Variants in MTRES1 observed in about 807,000 individuals in gnomAD.
The protein encoded by MTRES1 is uncharacterized protein C6orf203.
In MTRES1, 11 loss-of-function variants were observed where a neutral mutation model predicts 17.4. That is an observed-to-expected ratio of 0.63 (90% confidence interval 0.40 to 1.05). The LOEUF (loss-of-function observed/expected upper bound fraction) is 1.05. Ranked by LOEUF, MTRES1 falls within the 50% of genes least tolerant of loss-of-function variation. The pLI is 0.00. For synonymous variants in MTRES1, 94 were observed against 99.6 expected, an observed-to-expected ratio of 0.94 and a Z score of 0.34; for missense variants, 268 against 276.2, an observed-to-expected ratio of 0.97 and a Z score of 0.21.
intron 1 of MTRES1, among the ~76,000 whole-genome samples, chr6:107,031,135 T>C (rs1163741734): frequency 6.6e-6 from 1 of 152,008 alleles, no homozygotes; most frequent in Non-Finnish European, 1.5e-5. Context: ...ATCCTAGCAC[T>C]TTGGGAGGCT....
In MTRES1 at chr6:107,040,139, A is replaced by G. The variant is rs139673951; in HGVS notation, c.379A>G (p.Thr127Ala). 8.7e-6 allele frequency: 14 copies of G among 1,613,646 alleles called. No individual in the cohort carries two copies. Among genetic ancestry groups the G allele is most frequent in the Non-Finnish European group, 1.2e-5 (14 of 1,179,962 alleles). ...GGAAGAGGAGCTTGAGGATGATCCTACTGTAGTCAAAAACTATAAAGACCT... is the reference window on the plus strand; with the variant it reads ...GGAAGAGGAGCTTGAGGATGATCCTGCTGTAGTCAAAAACTATAAAGACCT... The part of the protein sequence containing the change: ...EQEEELEDDP[T>A]VVKNYKDLEK... Residue 127 changes from threonine (T) to alanine (A), a missense_variant, in exon 2 of 4, where the codon ACT becomes GCT. Coordinates refer to ENST00000311381, the MANE Select transcript of MTRES1 (RefSeq NM_016487.5).
At chr6:107,047,024 G>A (rs1267092046) in intron 3 of MTRES1, among the ~76,000 whole-genome samples, 2 of 147,618 alleles carry the variant, frequency 1.4e-5, no homozygotes, top group African/African-American at 2.5e-5. Flanking sequence ...GGATGGTCTC[G>A]ATCTCCTGAC....
intron 1 of MTRES1, among the ~76,000 whole-genome samples, chr6:107,036,706 G>A (rs1224131448): frequency 3.3e-5 from 5 of 151,924 alleles, no homozygotes; most frequent in African/African-American, 1.2e-4. Flanking sequence ...AGTTGGGCGT[G>A]GTGGTGGGCA....
intron 3 of MTRES1, among the ~76,000 whole-genome samples, chr6:107,048,789 A>G (rs1212905892): frequency 2.6e-5 from 4 of 151,690 alleles, no homozygotes; most frequent in Middle Eastern, 3.4e-3. Context: ...AAAAAAAAAA[A>G]AAAAAGAAAA....
intron 1 of MTRES1, among the ~76,000 whole-genome samples, chr6:107,038,360 C>A (rs1774079350): frequency 6.6e-6 from 1 of 152,064 alleles, no homozygotes; most frequent in African/African-American, 2.4e-5. Flanking sequence ...TCTCTAAAAC[C>A]TTCTTGATAT....
In MTRES1 at chr6:107,051,547, C is replaced by G. The variant is rs1234919328; in HGVS notation, c.*311C>G. 6.6e-6 allele frequency among the ~76,000 whole-genome samples: 1 copy of G among 152,146 alleles called. No homozygotes were observed. Among genetic ancestry groups the G allele is most frequent in the African/African-American group, 2.4e-5 (1 of 41,412 alleles). On this transcript the variant is annotated 3_prime_UTR_variant, in exon 4 of 4. Transcript: ENST00000311381. ...GCCTGCTGTTTCCCACATAAACTAC[C>G]TCAGGAGTCACTGTAAAATAAACTG...
intron 1 of MTRES1, chr6:107,028,988 C>T (rs1554226027): frequency 2.1e-6 from 1 of 467,402 alleles, no homozygotes; most frequent in East Asian, 1.5e-4. Context: ...ACCCGTCCTC[C>T]TGATCAATTT....
chr6:107,035,678 C>T (rs561782653), intron 1 of MTRES1, among the ~76,000 whole-genome samples: 209 of 152,122 alleles, frequency 1.4e-3, no homozygotes, highest in African/African-American at 4.8e-3. Context: ...GATGGAGTTT[C>T]GCTCTTGTTG....
chr6:107,050,645 T>C (rs1240254969), intron 3 of MTRES1, among the ~76,000 whole-genome samples: 1 of 150,548 alleles, frequency 6.6e-6, no homozygotes, highest in Non-Finnish European at 1.5e-5. Context: ...GACATGATCT[T>C]GGCTCACTGC....
At chr6:107,046,581 T>C (rs1034828677) in intron 3 of MTRES1, among the ~76,000 whole-genome samples, 3 of 152,196 alleles carry the variant, frequency 2.0e-5, no homozygotes, top group Non-Finnish European at 4.4e-5. Context: ...TTTTGCTTTG[T>C]GTCTGCTGAG....
chr6:107,034,384 G>C (rs1208690582), intron 1 of MTRES1, among the ~76,000 whole-genome samples: 1 of 152,088 alleles, frequency 6.6e-6, no homozygotes, highest in Non-Finnish European at 1.5e-5. Flanking sequence ...TGGGGCAACA[G>C]TTCCTCCCAC....
chr6:107,048,003 C>T (rs1774448522), intron 3 of MTRES1, among the ~76,000 whole-genome samples: 1 of 152,188 alleles, frequency 6.6e-6, no homozygotes, highest in Admixed American at 6.6e-5. Flanking sequence ...TTTGAGGCTA[C>T]AGTACACTAT....
At chr6:107,030,007 A>C (rs762110541) in intron 1 of MTRES1, 14 of 669,782 alleles carry the variant, frequency 2.1e-5, no homozygotes, top group Non-Finnish European at 3.5e-5. Context: ...TTTTTTGTCT[A>C]CCTGTTTCCC....
intron 1 of MTRES1, among the ~76,000 whole-genome samples, chr6:107,038,055 G>A (rs1241328996): frequency 6.6e-6 from 1 of 151,662 alleles, no homozygotes; most frequent in Non-Finnish European, 1.5e-5. Context: ...TAGTTATGTT[G>A]AAACAGAGTC....
chr6:107,048,350 G>T (rs1297749801), intron 3 of MTRES1, among the ~76,000 whole-genome samples: 2 of 151,808 alleles, frequency 1.3e-5, no homozygotes, highest in African/African-American at 4.8e-5. Flanking sequence ...GGCCAGGCTG[G>T]TCTTGAACTC....
rs575203456 is a variant in MTRES1, at chr6:107,044,514, T to C, written c.543+182T>C. ...TTCAGACACACAGGCACTTTCACTTTTGCAGCCTTAATGATCTTCTGATGA... is the reference window on the plus strand; with the variant it reads ...TTCAGACACACAGGCACTTTCACTTCTGCAGCCTTAATGATCTTCTGATGA... On this transcript the variant is annotated intron_variant, in intron 3 of 3. Transcript: ENST00000311381. Among the ~76,000 whole-genome samples, 49 of 152,274 alleles carry C rather than the reference T, an allele frequency of 3.2e-4. 2 individuals are homozygous for C. In the South Asian group the frequency reaches 8.7e-3, roughly 27 times the overall value.
rs1562280151 is a variant in MTRES1 at position 107,039,906 on chromosome 6, A to T, written c.146A>T (p.Lys49Met). 1.9e-6 allele frequency: 3 copies of T among 1,614,094 alleles called. No individual in the cohort carries two copies. Among genetic ancestry groups the T allele is most frequent in the Non-Finnish European group, 2.5e-6 (3 of 1,179,976 alleles). The change falls in exon 2 of 4, where the codon AAG (lysine) becomes ATG (methionine). Residue 49 changes from lysine to methionine, a missense_variant. Coordinates refer to ENST00000311381, the MANE Select transcript of MTRES1 (RefSeq NM_016487.5). Reference sequence around the variant, plus strand: ...CGATACTTGTATTTTTCTAGTACCAAGTTACGTGCACCAAATTATAAAACA... The same window carrying T: ...CGATACTTGTATTTTTCTAGTACCATGTTACGTGCACCAAATTATAAAACA... Reference protein sequence around the residue: ...WNRYLYFSSTKLRAPNYKTLF... With the variant: ...WNRYLYFSSTMLRAPNYKTLF...
chr6:107,028,862 G>C, intron 1 of MTRES1: 2 of 984,898 alleles, frequency 2.0e-6, no homozygotes, highest in Non-Finnish European at 2.4e-6. Context: ...ATTCTGCCGT[G>C]ATCATCTCTC....
At chr6:107,042,295 G>A (rs987458620) in intron 2 of MTRES1, among the ~76,000 whole-genome samples, 8 of 128,454 alleles carry the variant, frequency 6.2e-5, no homozygotes, top group East Asian at 4.8e-4. Context: ...AGCTGAGATC[G>A]CACCACTGCA....
Sources: allele counts gnomAD v4.1 joint callset (sites outside exome capture counted in the v4.1 genomes callset), GRCh38; gene constraint gnomAD v4.1.1; transcripts MANE v1.5; gene names NCBI Gene and HGNC (gene_info 2026-07-23, HGNC 2026-07-21).